Variants in PCDH15 observed in about 807,000 individuals in gnomAD.
PCDH15 encodes protocadherin related 15, also known as protocadherin-15.
In PCDH15, 129 loss-of-function variants were observed where a neutral mutation model predicts 178.5. The observed-to-expected ratio is 0.72, with a 90% CI of 0.63 to 0.84. PCDH15 has a LOEUF of 0.84. Among genes scored for constraint, PCDH15 ranks in the 40% least tolerant of loss-of-function variants. PCDH15 has a pLI of 0.00. For synonymous variants in PCDH15, 800 were observed against 732.0 expected (o/e 1.09, Z -1.50); for missense variants, 2,230 against 2,099.9 (o/e 1.06, Z -1.21).
At chr10:55,402,868 T>C (rs1370192777) in intron 2 of PCDH15, among the ~76,000 whole-genome samples, 1 of 152,020 alleles carries the variant, frequency 6.6e-6, no homozygotes. Context: ...CATATGGTAG[T>C]TCTATTTTTA....
intron 23 of PCDH15, among the ~76,000 whole-genome samples, chr10:53,945,858 T>C (rs1418586424): frequency 0.01 from 1,392 of 137,738 alleles, 34 homozygotes; most frequent in Middle Eastern, 0.014. Context: ...TATATATATA[T>C]ATATATATAT....
intron 2 of PCDH15, among the ~76,000 whole-genome samples, chr10:55,538,551 TTCC>T (rs1408339053): frequency 1.5e-5 from 2 of 132,004 alleles, no homozygotes; most frequent in South Asian, 5.6e-4. Context: ...CCTTCCTTCC[TTCC>T]TCCTTTCCTT....
At chr10:54,374,474 T>C (rs1948119711) in intron 4 of PCDH15, among the ~76,000 whole-genome samples, 2 of 152,116 alleles carry the variant, frequency 1.3e-5, no homozygotes, top group African/African-American at 4.8e-5. Flanking sequence ...GATATTGTCA[T>C]GACCATTATT....
chr10:54,358,626 A>G (rs1216206711), intron 5 of PCDH15, among the ~76,000 whole-genome samples: 6 of 152,090 alleles, frequency 3.9e-5, no homozygotes, highest in Admixed American at 6.5e-5. Flanking sequence ...ATCTAGAACT[A>G]GAAATACCAT....
chr10:54,450,276 A>G (rs191168804), intron 3 of PCDH15, among the ~76,000 whole-genome samples: 48 of 151,198 alleles, frequency 3.2e-4, no homozygotes, highest in Non-Finnish European at 6.1e-4. Flanking sequence ...TTTTCTACTG[A>G]AAATATTTTC....
intron 18 of PCDH15, among the ~76,000 whole-genome samples, chr10:54,055,135 C>A (rs926330300): frequency 2.0e-5 from 3 of 151,990 alleles, no homozygotes; most frequent in Admixed American, 6.6e-5. Flanking sequence ...GTATCACTAC[C>A]CTTCCAAACA....
chr10:54,440,919 T>G (rs1471978126), intron 3 of PCDH15, among the ~76,000 whole-genome samples: 3 of 152,000 alleles, frequency 2.0e-5, no homozygotes, highest in African/African-American at 7.2e-5. Flanking sequence ...GCCTTAGGTA[T>G]CTTACTCTCT....
intron 21 of PCDH15, among the ~76,000 whole-genome samples, chr10:53,985,452 G>A (rs2091027943): frequency 6.6e-6 from 1 of 152,078 alleles, no homozygotes; most frequent in African/African-American, 2.4e-5. Flanking sequence ...TAAATTATTT[G>A]ACTCTGTAGT....
chr10:54,799,927 A>G (rs566080561), intron 1 of PCDH15, among the ~76,000 whole-genome samples: 37 of 152,294 alleles, frequency 2.4e-4, no homozygotes, highest in Non-Finnish European at 4.6e-4. Context: ...CACAGCAAGC[A>G]TTTTGCGCTC....
chr10:53,841,638 T>C (rs1359730808), intron 28 of PCDH15, among the ~76,000 whole-genome samples: 1 of 152,202 alleles, frequency 6.6e-6, no homozygotes, highest in East Asian at 1.9e-4. Context: ...TAAATGTTTG[T>C]AACCCAGTAC....
chr10:54,228,686 C>T (rs1254002302), intron 9 of PCDH15, among the ~76,000 whole-genome samples: 1 of 152,140 alleles, frequency 6.6e-6, no homozygotes, highest in Non-Finnish European at 1.5e-5. Context: ...ATGGACGTTC[C>T]AGTTCAAGAA....
intron 2 of PCDH15, among the ~76,000 whole-genome samples, chr10:55,577,473 T>C (rs976084690): frequency 6.6e-6 from 1 of 152,178 alleles, no homozygotes; most frequent in Non-Finnish European, 1.5e-5. Context: ...AAGTCAACTA[T>C]GTATTTATAC....
intron 2 of PCDH15, among the ~76,000 whole-genome samples, chr10:55,365,182 A>G (rs193194703): frequency 8.8e-4 from 134 of 152,284 alleles, no homozygotes; most frequent in Non-Finnish European, 5.0e-4. Flanking sequence ...TGTTAGCCAG[A>G]ATAGAAGATG....
At position 54,985,842 on chromosome 10, in the gene PCDH15, A is replaced by G. The variant is rs576924733; in HGVS notation, c.-79-88342T>C. Among the ~76,000 whole-genome samples the G allele has an allele frequency of 5.3e-5, 8 of 152,328 alleles. No individual in the cohort carries two copies. In the South Asian group the frequency reaches 1.7e-3, roughly 32 times the overall value. On this transcript the variant is annotated intron_variant, in intron 2 of 5. Transcript: ENST00000458638. ...CATATAAATAGGATATTTATGGTTT[A>G]AAAATAATAATAAAGTGAACACACT...
chr10:55,043,663 T>C (rs1448773372), intron 2 of PCDH15, among the ~76,000 whole-genome samples: 2 of 151,890 alleles, frequency 1.3e-5, no homozygotes, highest in Non-Finnish European at 2.9e-5. Flanking sequence ...TTAGCCATGA[T>C]TGTGCCAGTG....
intron 17 of PCDH15, among the ~76,000 whole-genome samples, chr10:54,072,659 G>T (rs964454118): frequency 6.6e-6 from 1 of 152,106 alleles, no homozygotes; most frequent in African/African-American, 2.4e-5. Context: ...AGGGGGAAAT[G>T]ATGACTGGGA....
intron 14 of PCDH15, among the ~76,000 whole-genome samples, chr10:54,150,185 C>T (rs1298440808): frequency 1.3e-5 from 2 of 152,042 alleles, no homozygotes; most frequent in Non-Finnish European, 2.9e-5. Flanking sequence ...CTGTCGATGA[C>T]AGCAAGGAGG....
intron 1 of PCDH15, among the ~76,000 whole-genome samples, chr10:54,786,750 T>G (rs551178759): frequency 1.3e-5 from 2 of 151,926 alleles, no homozygotes; most frequent in Non-Finnish European, 2.9e-5. Context: ...TATCATTTAG[T>G]CTTCAATATA....
At chr10:54,254,914 A>AT (rs34549934) in intron 8 of PCDH15, among the ~76,000 whole-genome samples, 104,151 of 151,924 alleles carry the variant, frequency 0.69, 36,672 homozygotes, top group Middle Eastern at 0.76. Context: ...TTTCAACGTA[A>AT]TTTTTTTTCT....
Sources: allele counts gnomAD v4.1 joint callset (sites outside exome capture counted in the v4.1 genomes callset), GRCh38; gene constraint gnomAD v4.1.1; transcripts MANE v1.5; gene names NCBI Gene and HGNC (gene_info 2026-07-23, HGNC 2026-07-21).